Variants in CDH4 observed in about 807,000 individuals in gnomAD.
CDH4 encodes cadherin-4.
In CDH4, 33 loss-of-function variants were observed where a neutral mutation model predicts 86.0. That is an observed-to-expected ratio of 0.38 (90% CI 0.29 to 0.51). CDH4 has a LOEUF of 0.51. Ranked by LOEUF, CDH4 falls within the 20% of genes least tolerant of loss-of-function variation. CDH4 has a pLI of 0.86. For missense variants in CDH4, 1,114 were observed against 1,307.4 expected, an observed-to-expected ratio of 0.85 and a Z score of 2.28; for synonymous variants, 555 against 549.4, an observed-to-expected ratio of 1.01 and a Z score of -0.14.
chr20:61,824,630 G>C (rs924510942), intron 4 of CDH4, among the ~76,000 whole-genome samples: 3 of 152,130 alleles, frequency 2.0e-5, no homozygotes, highest in African/African-American at 7.2e-5. Flanking sequence ...TGAACACTTG[G>C]TAGAAAAGTA....
chr20:61,305,518 C>T (rs538687436), intron 2 of CDH4, among the ~76,000 whole-genome samples: 2 of 152,338 alleles, frequency 1.3e-5, no homozygotes, highest in South Asian at 2.1e-4. Context: ...GAGGTCCTCA[C>T]GACATTCCAA....
At chr20:61,929,877 A>AC in intron 13 of CDH4, 35 bp downstream of exon 13, 1 of 1,557,784 alleles carries the variant, frequency 6.4e-7, no homozygotes, top group Non-Finnish European at 8.8e-7. Context: ...GGGCAGGGGC[A>AC]TTGTGGGTAT....
At chr20:61,514,226 C>T (rs1173746502) in intron 2 of CDH4, among the ~76,000 whole-genome samples, 1 of 152,070 alleles carries the variant, frequency 6.6e-6, no homozygotes, top group Non-Finnish European at 1.5e-5. Context: ...TAAGGTCTGG[C>T]TGCTGGGTAT....
At chr20:61,645,246 C>G (rs2087049769) in intron 2 of CDH4, among the ~76,000 whole-genome samples, 1 of 152,186 alleles carries the variant, frequency 6.6e-6, no homozygotes, top group African/African-American at 2.4e-5. Context: ...ACAGCCAAGT[C>G]TAGAATTCCA....
intron 4 of CDH4, among the ~76,000 whole-genome samples, chr20:61,821,660 T>G (rs1981050025): frequency 6.6e-6 from 1 of 152,246 alleles, no homozygotes; most frequent in African/African-American, 2.4e-5. Context: ...TCCCCGGGTT[T>G]TGGGCTTACA....
chr20:61,444,218 CTG>C (rs2085330262), intron 2 of CDH4, among the ~76,000 whole-genome samples: 1 of 149,788 alleles, frequency 6.7e-6, no homozygotes. Context: ...CTGTATATGG[CTG>C]TGTCTCTCTT....
intron 7 of CDH4, among the ~76,000 whole-genome samples, chr20:61,883,981 A>G (rs1984418015): frequency 6.6e-6 from 1 of 152,074 alleles, no homozygotes; most frequent in South Asian, 2.1e-4. Context: ...TAGGAAGCAG[A>G]GACTTTCTTT....
At chr20:61,304,062 C>T (rs969522502) in intron 2 of CDH4, among the ~76,000 whole-genome samples, 5 of 152,168 alleles carry the variant, frequency 3.3e-5, no homozygotes, top group African/African-American at 1.2e-4. Context: ...GTCCCCAGTT[C>T]TATGGGACCC....
chr20:61,742,129 A>G (rs187226975), intron 2 of CDH4, among the ~76,000 whole-genome samples: 2 of 122,184 alleles, frequency 1.6e-5, no homozygotes, highest in African/African-American at 7.6e-5. Context: ...CTGTCACTTC[A>G]AAAAAAAAAA....
intron 2 of CDH4, among the ~76,000 whole-genome samples, chr20:61,478,159 C>T (rs1231206073): frequency 7.2e-5 from 11 of 152,216 alleles, no homozygotes; most frequent in Admixed American, 4.6e-4. Flanking sequence ...ACAGGACTCC[C>T]CTAAAGGGTT....
intron 2 of CDH4, among the ~76,000 whole-genome samples, chr20:61,692,840 T>TG (rs1299567632): frequency 1.4e-5 from 2 of 145,344 alleles, no homozygotes; most frequent in Admixed American, 6.7e-5. Flanking sequence ...TTTTGTTTTT[T>TG]GTTTTTTTTT....
chr20:61,861,356 A>C (rs1484155346), intron 6 of CDH4, among the ~76,000 whole-genome samples: 1 of 152,228 alleles, frequency 6.6e-6, no homozygotes, highest in East Asian at 1.9e-4. Context: ...ACTAAATGCC[A>C]CGACAGCCCC....
chr20:61,304,266 C>CT (rs2084402229), intron 2 of CDH4, among the ~76,000 whole-genome samples: 1 of 151,648 alleles, frequency 6.6e-6, no homozygotes, highest in Non-Finnish European at 1.5e-5. Context: ...GGACGGCACC[C>CT]CCCCAACCCC....
chr20:61,803,509 G>A (rs761147524), intron 4 of CDH4, among the ~76,000 whole-genome samples: 9 of 152,192 alleles, frequency 5.9e-5, no homozygotes, highest in East Asian at 1.9e-4. Context: ...GATTAGAGCC[G>A]AAATCTCTGC....
At chr20:61,631,654 A>G (rs573795254) in intron 2 of CDH4, among the ~76,000 whole-genome samples, 27 of 152,300 alleles carry the variant, frequency 1.8e-4, no homozygotes, top group Non-Finnish European at 2.9e-4. Context: ...TAAAAAAGAA[A>G]AAAAAGAGTG....
At chr20:61,369,207 C>T (rs1383885510) in intron 2 of CDH4, among the ~76,000 whole-genome samples, 1 of 152,038 alleles carries the variant, frequency 6.6e-6, no homozygotes, top group Middle Eastern at 3.2e-3. Flanking sequence ...AATCCCAGCA[C>T]TTTGGGAGGC....
chr20:61,300,768 T>C (rs1374915036), intron 2 of CDH4, among the ~76,000 whole-genome samples: 3 of 152,136 alleles, frequency 2.0e-5, no homozygotes, highest in Non-Finnish European at 4.4e-5. Context: ...GGCAGTCTCT[T>C]CTACTCCCAG....
At position 61,910,862 on chromosome 20, in the gene CDH4, C is replaced by T. The variant is rs2054843391; in HGVS notation, c.1374+255C>T. Among the ~76,000 whole-genome samples the T allele has an allele frequency of 2.0e-5, 3 of 152,228 alleles. No homozygotes were observed. In the South Asian group the frequency reaches 6.2e-4, roughly 31 times the overall value. On this transcript the variant is annotated intron_variant, in intron 9 of 15. Coordinates refer to ENST00000614565, the MANE Select transcript of CDH4 (RefSeq NM_001794.5). ...TTCAATGTCTATATATTCACTCCCA[C>T]CCCCTAATCTAGTAATGGGCGAATT...
chr20:61,609,954 G>A (rs4925259), intron 2 of CDH4, among the ~76,000 whole-genome samples: 93,724 of 152,024 alleles, frequency 0.62, 30,811 homozygotes, highest in East Asian at 0.78. Context: ...GATCATCGGG[G>A]TACCCATCAC....
Sources: allele counts gnomAD v4.1 joint callset (sites outside exome capture counted in the v4.1 genomes callset), GRCh38; gene constraint gnomAD v4.1.1; transcripts MANE v1.5; gene names NCBI Gene and HGNC (gene_info 2026-07-23, HGNC 2026-07-21).